Variants in CDH12 observed in about 807,000 individuals in gnomAD.
CDH12 encodes the protein cadherin-12.
Under a neutral mutation model 74.1 loss-of-function variants are expected in CDH12, and 41 were observed. The observed-to-expected ratio is 0.55, with a 90% confidence interval of 0.43 to 0.72. The LOEUF (loss-of-function observed/expected upper bound fraction) is 0.72, where lower values mean the gene tolerates loss of function less well. Among genes scored for constraint, CDH12 ranks in the 30% least tolerant of loss-of-function variants. CDH12 has a pLI of 0.00. For synonymous variants in CDH12, 399 were observed against 355.0 expected (o/e 1.12, Z -1.39); for missense variants, 945 against 977.2 (o/e 0.97, Z 0.44).
At chr5:22,497,373 T>C (rs1359873980) in intron 2 of CDH12, among the ~76,000 whole-genome samples, 1 of 152,164 alleles carries the variant, frequency 6.6e-6, no homozygotes, top group African/African-American at 2.4e-5. Context: ...ATCTTTCTCA[T>C]TTCCTCACAC....
chr5:22,763,126 A>T (rs1477782423), intron 1 of CDH12, among the ~76,000 whole-genome samples: 3 of 152,008 alleles, frequency 2.0e-5, no homozygotes, highest in Admixed American at 2.0e-4. Flanking sequence ...AAAATTTGAC[A>T]GTCTACTGAC....
At chr5:22,007,866 C>T (rs1737056300) in intron 5 of CDH12, among the ~76,000 whole-genome samples, 1 of 152,030 alleles carries the variant, frequency 6.6e-6, no homozygotes, top group South Asian at 2.1e-4. Context: ...TGTGGCTTTC[C>T]TAGATTTTTT....
intron 3 of CDH12, among the ~76,000 whole-genome samples, chr5:22,247,258 A>T (rs13176103): frequency 6.6e-6 from 1 of 151,970 alleles, no homozygotes; most frequent in Non-Finnish European, 1.5e-5. Context: ...ATACACAGTT[A>T]CTTCCCCTTC....
chr5:22,444,820 A>T (rs1387866345), intron 2 of CDH12, among the ~76,000 whole-genome samples: 1 of 151,992 alleles, frequency 6.6e-6, no homozygotes, highest in Non-Finnish European at 1.5e-5. Context: ...AGTTCCCAAT[A>T]TATTAGTTTT....
At chr5:22,270,588 C>A (rs1257497904) in intron 3 of CDH12, among the ~76,000 whole-genome samples, 1 of 110,184 alleles carries the variant, frequency 9.1e-6, no homozygotes, top group Non-Finnish European at 1.8e-5. Context: ...GGGTGAGACA[C>A]CGTCTCAAAA....
intron 3 of CDH12, among the ~76,000 whole-genome samples, chr5:22,275,386 A>C (rs1210060184): frequency 6.6e-6 from 1 of 152,228 alleles, no homozygotes; most frequent in Non-Finnish European, 1.5e-5. Flanking sequence ...CATTTTAAAA[A>C]CAGTAAACCT....
At chr5:22,102,691 AATAC>A (rs1554010331) in intron 4 of CDH12, among the ~76,000 whole-genome samples, 3 of 149,074 alleles carry the variant, frequency 2.0e-5, no homozygotes, top group Admixed American at 1.3e-4. Context: ...TAAATAAATA[AATAC>A]ATAAATAAAT....
chr5:22,191,756 G>A lies in CDH12; in HGVS notation c.-187+20742C>T, dbSNP rs571654512. ...ATTTTTTGTATTTTTAGTAGAGACG[G>A]GGTTTCACCGTTTTAGCCGGGATGG... is the stretch of plus-strand genomic sequence containing the variant. On this transcript the variant is annotated intron_variant, in intron 4 of 14. Coordinates refer to ENST00000382254, the MANE Select transcript of CDH12 (RefSeq NM_004061.5). 3.3e-3 allele frequency among the ~76,000 whole-genome samples: 503 copies of A among 151,322 alleles called. 2 individuals are homozygous for A. Among genetic ancestry groups the A allele is most frequent in the Non-Finnish European group, 6.0e-3 (406 of 67,828 alleles).
At chr5:21,762,313 A>C (rs913410350) in intron 12 of CDH12, among the ~76,000 whole-genome samples, 3 of 152,086 alleles carry the variant, frequency 2.0e-5, no homozygotes, top group Non-Finnish European at 2.9e-5. Flanking sequence ...ACTACCATCT[A>C]AATTTGTACT....
chr5:22,478,801 G>A (rs1296609350), intron 2 of CDH12, among the ~76,000 whole-genome samples: 1 of 152,020 alleles, frequency 6.6e-6, no homozygotes, highest in African/African-American at 2.4e-5. Context: ...TGATCTTGGT[G>A]TTATTTTTTT....
intron 4 of CDH12, among the ~76,000 whole-genome samples, chr5:22,100,224 C>A (rs1455738674): frequency 1.3e-5 from 2 of 152,098 alleles, no homozygotes; most frequent in African/African-American, 4.8e-5. Flanking sequence ...ATTAACCAGT[C>A]TTTAAAAATG....
chr5:22,176,626 A>G (rs1290450581), intron 4 of CDH12, among the ~76,000 whole-genome samples: 9 of 152,064 alleles, frequency 5.9e-5, no homozygotes, highest in Non-Finnish European at 1.0e-4. Context: ...TCTCTCCATT[A>G]TGAATACTGT....
chr5:22,198,364 C>T (rs1750738092), intron 4 of CDH12, among the ~76,000 whole-genome samples: 1 of 151,884 alleles, frequency 6.6e-6, no homozygotes, highest in Non-Finnish European at 1.5e-5. Flanking sequence ...ACCAAATAAG[C>T]ATATCGTATA....
At chr5:21,960,963 C>T (rs1244255083) in intron 6 of CDH12, among the ~76,000 whole-genome samples, 2 of 152,168 alleles carry the variant, frequency 1.3e-5, no homozygotes, top group Non-Finnish European at 2.9e-5. Flanking sequence ...GCCGAGACTA[C>T]ATAGTCCTTC....
At chr5:22,698,673 C>A (rs1742510696) in intron 1 of CDH12, among the ~76,000 whole-genome samples, 1 of 68,700 alleles carries the variant, frequency 1.5e-5, no homozygotes, top group Non-Finnish European at 2.6e-5. Flanking sequence ...CATTCAATCC[C>A]CAGATATATA....
At chr5:22,839,735 C>A (rs1266783751) in intron 1 of CDH12, among the ~76,000 whole-genome samples, 1 of 152,126 alleles carries the variant, frequency 6.6e-6, no homozygotes. Context: ...AACCCAGAAA[C>A]ACATAAGTAG....
chr5:22,843,421 T>C (rs1737165462), intron 1 of CDH12, among the ~76,000 whole-genome samples: 2 of 152,136 alleles, frequency 1.3e-5, no homozygotes, highest in Non-Finnish European at 2.9e-5. Context: ...TTGTCATCTC[T>C]ACACTGTAAA....
chr5:22,204,408 G>A (rs1162302332), intron 4 of CDH12, among the ~76,000 whole-genome samples: 1 of 152,082 alleles, frequency 6.6e-6, no homozygotes, highest in Non-Finnish European at 1.5e-5. Context: ...TGATCCGCCC[G>A]CCTCGGCCTC....
intron 6 of CDH12, among the ~76,000 whole-genome samples, chr5:21,874,991 T>G (rs79295783): frequency 0.021 from 3,136 of 152,276 alleles, 73 homozygotes; most frequent in African/African-American, 0.058. Context: ...TTGGGCACTC[T>G]AAGAACAAGA....
Sources: allele counts gnomAD v4.1 joint callset (sites outside exome capture counted in the v4.1 genomes callset), GRCh38; gene constraint gnomAD v4.1.1; transcripts MANE v1.5; gene names NCBI Gene and HGNC (gene_info 2026-07-23, HGNC 2026-07-21).